PCDHGA2: variants seen among roughly 807,000 people sequenced by gnomAD.
PCDHGA2 encodes protocadherin gamma subfamily A, 2.
In PCDHGA2, 40 loss-of-function variants were observed where a neutral mutation model predicts 59.2. That is an observed-to-expected ratio of 0.68 (90% confidence interval 0.52 to 0.88). The LOEUF (loss-of-function observed/expected upper bound fraction) is 0.88. Ranked by LOEUF, PCDHGA2 falls within the 40% of genes least tolerant of loss-of-function variation. PCDHGA2 has a pLI of 0.00. For synonymous variants in PCDHGA2, 560 were observed against 526.0 expected, an observed-to-expected ratio of 1.06 and a Z score of -0.89; for missense variants, 1,226 against 1,204.0, an observed-to-expected ratio of 1.02 and a Z score of -0.27.
At chr5:141,370,339 ATTAT>A (rs1300420900) in intron 1 of PCDHGA2, 18 of 1,464,644 alleles carry the variant, frequency 1.2e-5, no homozygotes, top group Non-Finnish European at 1.7e-5. Flanking sequence ...AACTCTTGGG[ATTAT>A]TTAAAGATCT....
chr5:141,486,421 G>A lies in PCDHGA2; in HGVS notation c.2425-8386G>A, dbSNP rs772631503. ...TGACTGCTGGACCCTTGGATCGAGA[G>A]GCCAAATCTAGCTATGACATCATGG... On this transcript the variant is annotated intron_variant, in intron 1 of 3. Coordinates refer to ENST00000394576, the MANE Select transcript of PCDHGA2 (RefSeq NM_018915.4). This position sits in a 1 kb window ranked among gnomAD's most constrained non-coding sequence, Gnocchi z 5.0. 2.5e-6 allele frequency: 4 copies of A among 1,614,152 alleles called. No homozygotes were observed. In the East Asian group the frequency reaches 6.7e-5, roughly 27 times the overall value.
chr5:141,423,092 A>T (rs2096708373), intron 1 of PCDHGA2: 5 of 1,613,952 alleles, frequency 3.1e-6, no homozygotes, highest in South Asian at 2.2e-5. Flanking sequence ...GCGGTGGGGG[A>T]GCACACGGGC....
At chr5:141,392,994 A>T in intron 1 of PCDHGA2, 1 of 1,613,910 alleles carries the variant, frequency 6.2e-7, no homozygotes, top group Non-Finnish European at 8.5e-7. Context: ...GAAGCTGGCG[A>T]AGCACGGAGT....
chr5:141,364,548 A>T (rs1763399502), intron 1 of PCDHGA2: 2 of 1,613,988 alleles, frequency 1.2e-6, no homozygotes. Flanking sequence ...GGTAGGACGC[A>T]GCTTTTTGCC....
chr5:141,370,244 ACT>A, intron 1 of PCDHGA2: 2 of 633,826 alleles, frequency 3.2e-6, no homozygotes, highest in Non-Finnish European at 5.1e-6. Flanking sequence ...AGAAAAGTGC[ACT>A]CTCTATCAGG....
rs185055424 is a variant in PCDHGA2, at chr5:141,457,894, G to A, written c.2425-36913G>A. Among the ~76,000 whole-genome samples the A allele has an allele frequency of 3.2e-3, 488 of 152,332 alleles. 1 individual carries two copies. Among genetic ancestry groups the A allele is most frequent in the Non-Finnish European group, 5.0e-3 (342 of 68,028 alleles). On this transcript the variant is annotated intron_variant, in intron 1 of 3. Transcript: ENST00000394576. ...GTTAGGAACCCTGTGTGGGGACTGT[G>A]TAGACAAGGTGTGAGGCCAGTTCTC...
At position 141,393,532 on chromosome 5, in the gene PCDHGA2, C is replaced by G. The variant is rs1411410420; in HGVS notation, c.2424+52137C>G. 1.4e-5 allele frequency: 23 copies of G among 1,613,886 alleles called. No homozygotes were observed. Among genetic ancestry groups the G allele is most frequent in the Non-Finnish European group, 1.9e-5 (23 of 1,179,916 alleles). On this transcript the variant is annotated intron_variant, in intron 1 of 3. Transcript: ENST00000394576. The stretch of plus-strand genomic sequence containing the variant: ...GTGTTGGATACAAATGACAATGCCC[C>G]GGTTTTTCCTCACCCGATTTACCGA...
At chr5:141,405,145 G>T (rs772542898) in intron 1 of PCDHGA2, 1 of 1,614,070 alleles carries the variant, frequency 6.2e-7, no homozygotes, top group Non-Finnish European at 8.5e-7. Context: ...CCAGTGATGG[G>T]TTGGCTGGTG....
In PCDHGA2 at chr5:141,340,521, T is replaced by A. The variant is rs770018611; in HGVS notation, c.1550T>A (p.Leu517Gln). 1 of 1,614,260 alleles carries A rather than the reference T, an allele frequency of 6.2e-7. No individual in the cohort carries two copies. Among genetic ancestry groups the A allele is most frequent in the South Asian group, 1.1e-5 (1 of 91,086 alleles). The change falls in exon 1 of 4, where the codon CTG becomes CAG. Residue 517 changes from leucine (L) to glutamine (Q), a missense_variant. Leu to Gln is a moderately radical substitution (Grantham distance 113). Transcript: ENST00000394576. ...INSDTGVLYA[L>Q]RSFDYEQLRD... ...TCCGACACTGGAGTACTCTATGCAC[T>A]GCGCTCCTTTGATTATGAGCAGTTG...
chr5:141,345,369 A>T (rs1323122206), intron 1 of PCDHGA2: 1 of 1,613,940 alleles, frequency 6.2e-7, no homozygotes, highest in Non-Finnish European at 8.5e-7. Context: ...GATTGACATC[A>T]ATGACAACCC....
At chr5:141,377,343 C>G (rs1218188915) in intron 1 of PCDHGA2, 1 of 152,110 alleles carries the variant, frequency 6.6e-6, no homozygotes. Context: ...TGGTGGTTCA[C>G]GCCTGTAATC....
chr5:141,399,252 TG>T, intron 1 of PCDHGA2: 1 of 1,613,778 alleles, frequency 6.2e-7, no homozygotes, highest in Non-Finnish European at 8.5e-7. Context: ...CTGGGGAAAA[TG>T]GGGAGGTTAA....
At chr5:141,425,719 A>G (rs2096890303) in intron 1 of PCDHGA2, among the ~76,000 whole-genome samples, 1 of 152,200 alleles carries the variant, frequency 6.6e-6, no homozygotes. Context: ...TTCCCATACC[A>G]CTTGATGGGG....
intron 1 of PCDHGA2, among the ~76,000 whole-genome samples, chr5:141,448,516 A>T (rs1210489939): frequency 3.9e-5 from 6 of 152,152 alleles, no homozygotes; most frequent in Non-Finnish European, 8.8e-5. Flanking sequence ...TTATAACTTT[A>T]TTAAGCATCC....
chr5:141,441,656 C>A, intron 1 of PCDHGA2: 1 of 247,684 alleles, frequency 4.0e-6, no homozygotes, highest in Non-Finnish European at 8.1e-6. Flanking sequence ...TCTAGGTGTC[C>A]TTGAGCGCAC....
chr5:141,374,427 A>G, intron 1 of PCDHGA2: 3 of 1,613,980 alleles, frequency 1.9e-6, no homozygotes, highest in Non-Finnish European at 2.5e-6. Context: ...GATAAACTGA[A>G]TCTTTATCCC....
Position 141,420,177 on chromosome 5 carries a change from A to G in PCDHGA2, c.2425-74630A>G, listed in dbSNP as rs1188698450. The G allele has an allele frequency of 2.5e-6, 4 of 1,613,992 alleles. No homozygotes were observed. Among genetic ancestry groups the G allele is most frequent in the South Asian group, 2.2e-5 (2 of 91,086 alleles). ...TTTAATTTTTTCACATCTGTTGATC[A>G]TTGTCCAGCCACACAAGATAACCTC... On this transcript the variant is annotated intron_variant, in intron 1 of 3. Coordinates refer to ENST00000394576, the MANE Select transcript of PCDHGA2 (RefSeq NM_018915.4).
chr5:141,419,013 G>A, intron 1 of PCDHGA2: 2 of 1,613,958 alleles, frequency 1.2e-6, no homozygotes, highest in South Asian at 2.2e-5. Flanking sequence ...GTCAGGTGTA[G>A]CTTAAGTAGA....
At chr5:141,389,180 CA>C (rs2091638521) in intron 1 of PCDHGA2, 6 of 1,614,034 alleles carry the variant, frequency 3.7e-6, no homozygotes, top group Non-Finnish European at 5.1e-6. Context: ...CCCTCTCCTC[CA>C]GTTCCAGCAT....
Sources: allele counts gnomAD v4.1 joint callset (sites outside exome capture counted in the v4.1 genomes callset), GRCh38; gene constraint gnomAD v4.1.1; non-coding constraint Gnocchi (gnomAD v3.1); transcripts MANE v1.5; gene names NCBI Gene and HGNC (gene_info 2026-07-23, HGNC 2026-07-21).